The following TTC7B variants were observed in gnomAD, a reference collection of about 807,000 sequenced individuals.
The protein encoded by TTC7B is tetratricopeptide repeat domain 7B, also known as tetratricopeptide repeat protein 7B.
Under a neutral mutation model 106.8 loss-of-function variants are expected in TTC7B, and 28 were observed. The observed-to-expected ratio is 0.26, with a 90% confidence interval of 0.19 to 0.36. The LOEUF is 0.36. Among genes scored for constraint, TTC7B ranks in the 10% least tolerant of loss-of-function variants. TTC7B has a pLI of 1.00. For synonymous variants in TTC7B, 405 were observed against 430.6 expected (o/e 0.94, Z 0.74); for missense variants, 862 against 1,076.4 (o/e 0.80, Z 2.79).
At chr14:90,765,938 C>T (rs1252003108) in intron 3 of TTC7B, among the ~76,000 whole-genome samples, 6 of 152,158 alleles carry the variant, frequency 3.9e-5, no homozygotes, top group African/African-American at 7.2e-5. Context: ...GTGCCCTTTC[C>T]CCCAGCCTCA....
chr14:90,545,878 C>G (rs1219345101), intron 19 of TTC7B, among the ~76,000 whole-genome samples: 1 of 152,226 alleles, frequency 6.6e-6, no homozygotes, highest in Admixed American at 6.5e-5. Context: ...AGGGTTCTTG[C>G]TGGCTTGGAA....
At position 90,528,578 on chromosome 14, in the gene TTC7B, T is replaced by A. The variant is rs1481108927; in HGVS notation, c.*12790A>T. 1 of 152,858 alleles carries A rather than the reference T, an allele frequency of 6.5e-6. No individual in the cohort carries two copies. The highest frequency in any genetic ancestry group is 2.4e-5 in the African/African-American group (1 of 41,438). 9.5% of individuals were successfully genotyped at this position (152,858 alleles called of 1,614,324 possible). A position where few individuals can be genotyped will look rare whatever the true frequency, so the allele number is the denominator to read the frequency against. On this transcript the variant is annotated 3_prime_UTR_variant, in exon 20 of 20. Transcript: ENST00000328459. ...GTTTTGATGGTTGTTTCTGATGGCG[T>A]GACCCAACTGTGCCTCGTTACCCGT...
At chr14:90,753,357 T>C (rs532107483) in intron 3 of TTC7B, among the ~76,000 whole-genome samples, 43 of 152,238 alleles carry the variant, frequency 2.8e-4, no homozygotes, top group Non-Finnish European at 5.7e-4. Flanking sequence ...CCCCATGGTA[T>C]AGCCTTCAAA....
chr14:90,569,460 T>C (rs139182698), intron 19 of TTC7B, among the ~76,000 whole-genome samples: 2 of 152,286 alleles, frequency 1.3e-5, no homozygotes, highest in South Asian at 2.1e-4. Flanking sequence ...TGAGAATTCA[T>C]CTGACCTGAG....
rs193003398 is a variant in TTC7B at position 90,745,652 on chromosome 14, C to T, written c.446-730G>A. Among the ~76,000 whole-genome samples, 604 of 151,330 alleles carry T rather than the reference C, an allele frequency of 4.0e-3. 5 individuals are homozygous for T. Among genetic ancestry groups the T allele is most frequent in the African/African-American group, 0.014 (578 of 41,284 alleles). Reference sequence around the variant, plus strand: ...ATACCACTTGGCCAGATGAATTATCCTTTTTTATATTTTTGGATTTGATTT... The same window carrying T: ...ATACCACTTGGCCAGATGAATTATCTTTTTTTATATTTTTGGATTTGATTT... On this transcript the variant is annotated intron_variant, in intron 3 of 19. Transcript: ENST00000328459.
rs566982798 is a variant in TTC7B, at chr14:90,530,907, A to G, written c.*10461T>C. On this transcript the variant is annotated 3_prime_UTR_variant, in exon 20 of 20. Transcript: ENST00000328459. ...GTGCACCAAAATCTCACAAATCACC[A>G]CTAAAGAACTTACTCATGTAACCAC... 1 of 152,310 alleles carries G rather than the reference A, an allele frequency of 6.6e-6. No homozygotes were observed. The highest frequency in any genetic ancestry group is 1.9e-4 in the East Asian group (1 of 5,186). 9.4% of individuals were successfully genotyped at this position (152,310 alleles called of 1,614,324 possible).
chr14:90,639,696 C>A (rs567856869), intron 15 of TTC7B, among the ~76,000 whole-genome samples: 1 of 152,184 alleles, frequency 6.6e-6, no homozygotes. Flanking sequence ...AATCCTTGAA[C>A]GTGTGCACCA....
chr14:90,707,650 A>T (rs1362816069), intron 5 of TTC7B, among the ~76,000 whole-genome samples: 2 of 152,260 alleles, frequency 1.3e-5, no homozygotes, highest in African/African-American at 4.8e-5. Flanking sequence ...CTTATTGCTG[A>T]TAGGGAAAAA....
chr14:90,662,395 G>GC, intron 9 of TTC7B, among the ~76,000 whole-genome samples: 1 of 152,310 alleles, frequency 6.6e-6, no homozygotes, highest in African/African-American at 2.4e-5. Flanking sequence ...AGTGCAGATG[G>GC]ATAAGTTACT....
chr14:90,750,546 C>T (rs552005107), intron 3 of TTC7B, among the ~76,000 whole-genome samples: 1 of 152,272 alleles, frequency 6.6e-6, no homozygotes, highest in African/African-American at 2.4e-5. Flanking sequence ...GGCAGCAATC[C>T]ACAGTCATGT....
At chr14:90,635,948 C>T (rs1165114943) in intron 15 of TTC7B, among the ~76,000 whole-genome samples, 16 of 151,200 alleles carry the variant, frequency 1.1e-4, no homozygotes, top group Admixed American at 9.2e-4. Context: ...GGTGAAACCC[C>T]GTCTCTACTA....
intron 5 of TTC7B, among the ~76,000 whole-genome samples, chr14:90,712,884 T>C (rs1300369427): frequency 6.6e-6 from 1 of 152,166 alleles, no homozygotes; most frequent in South Asian, 2.1e-4. Flanking sequence ...ATAAAGCTAC[T>C]ATATTCAAGA....
In TTC7B at chr14:90,575,044, G is replaced by A. The variant is rs190782823; in HGVS notation, c.2310+3062C>T. Among the ~76,000 whole-genome samples the A allele has an allele frequency of 2.6e-4, 39 of 152,200 alleles. No homozygotes were observed. The highest frequency in any genetic ancestry group is 5.2e-4 in the Admixed American group (8 of 15,296). On this transcript the variant is annotated intron_variant, in intron 19 of 19. Transcript: ENST00000328459. This position sits in a 1 kb window ranked among gnomAD's most constrained non-coding sequence, Gnocchi z 5.2. ...CCCTGTGTGCCAGGCAACTGTCAACGCTCAGCTCTGTTTCCGCCACTCTCC... is the reference window on the plus strand; with the variant it reads ...CCCTGTGTGCCAGGCAACTGTCAACACTCAGCTCTGTTTCCGCCACTCTCC...
At position 90,780,779 on chromosome 14, in the gene TTC7B, G is replaced by A. The variant is rs202232562; in HGVS notation, c.404C>T (p.Pro135Leu). Residue 135 changes from proline to leucine, a missense_variant, in exon 3 of 20, where the codon CCC (proline) becomes CTC (leucine). By Grantham distance (98) the Pro-to-Leu change is moderately conservative. Transcript: ENST00000328459. The part of the protein sequence containing the change: ...LDDLPLTAVP[P>L]YRLRVIAEAY... ...TTCTGCGATCACCCGCAGCCTGTAG[G>A]GCGGGACAGCTGTCAGTGGCAGATC... is the stretch of plus-strand genomic sequence containing the variant. The A allele has an allele frequency of 6.8e-6, 11 of 1,614,264 alleles. No homozygotes were observed. In the East Asian group the frequency reaches 8.9e-5, roughly 13 times the overall value.
At chr14:90,660,416 A>G (rs56218592) in intron 9 of TTC7B, among the ~76,000 whole-genome samples, 150 of 142,314 alleles carry the variant, frequency 1.1e-3, no homozygotes, top group Non-Finnish European at 2.0e-3. Context: ...AAAAAAAAAA[A>G]AAAAAGAAAA....
At chr14:90,752,071 G>A (rs1001972963) in intron 3 of TTC7B, among the ~76,000 whole-genome samples, 5 of 152,230 alleles carry the variant, frequency 3.3e-5, no homozygotes, top group African/African-American at 1.2e-4. Flanking sequence ...ATCACACGGG[G>A]AGGGGTGCTG....
chr14:90,814,630 CAGA>C (rs2031075454), intron 1 of TTC7B, among the ~76,000 whole-genome samples: 1 of 152,184 alleles, frequency 6.6e-6, no homozygotes, highest in Admixed American at 6.5e-5. Flanking sequence ...TCAACCTGCA[CAGA>C]AGGTGTCATT....
At chr14:90,776,903 T>G (rs999353066) in intron 3 of TTC7B, among the ~76,000 whole-genome samples, 2 of 152,146 alleles carry the variant, frequency 1.3e-5, no homozygotes, top group Non-Finnish European at 2.9e-5. Flanking sequence ...TTCTGTAAAA[T>G]GGAAAGAATA....
chr14:90,794,243 G>A (rs1346359000), intron 1 of TTC7B, among the ~76,000 whole-genome samples: 4 of 123,200 alleles, frequency 3.2e-5, no homozygotes, highest in Non-Finnish European at 4.8e-5. Flanking sequence ...TTTTTGAGAC[G>A]GAGTCTCGCT....
Sources: gnomAD v4.1 joint callset for allele counts (sites outside exome capture counted in the v4.1 genomes callset) on GRCh38, gnomAD v4.1.1 for gene constraint, Gnocchi (gnomAD v3.1) non-coding constraint, MANE v1.5 for transcripts, NCBI Gene and HGNC (gene_info 2026-07-23, HGNC 2026-07-21) for gene names.